The following CSAD variants were observed in gnomAD, a reference collection of about 807,000 sequenced individuals.
CSAD encodes the protein cysteine sulfinic acid decarboxylase, also known as P-selectin cytoplasmic tail-associated protein.
CSAD carries 47 observed loss-of-function variants against 61.5 expected under a neutral mutation model. The observed-to-expected ratio is 0.76, with a 90% CI of 0.60 to 0.97. The LOEUF (loss-of-function observed/expected upper bound fraction) is 0.97, where lower values mean the gene tolerates loss of function less well. CSAD is among the 50% of genes least tolerant of loss of function. The probability of loss-of-function intolerance (pLI) is 0.00; values close to 1 mark genes in which losing one functional copy is unlikely to be tolerated. For missense variants in CSAD, 611 were observed against 643.6 expected, an observed-to-expected ratio of 0.95 and a Z score of 0.55; for synonymous variants, 245 against 252.7, an observed-to-expected ratio of 0.97 and a Z score of 0.29.
At chr12:53,179,810 T>G in intron 1 of CSAD, 1 of 1,613,798 alleles carries the variant, frequency 6.2e-7, no homozygotes, top group Non-Finnish European at 8.5e-7. Context: ...AATTGACATC[T>G]CCTTCCATCA....
Position 53,171,436 on chromosome 12 carries a change from A to G in CSAD, c.457T>C (p.Ser153Pro). The G allele has an allele frequency of 6.2e-7, 1 of 1,613,532 alleles. No individual in the cohort carries two copies. The highest frequency in any genetic ancestry group is 2.2e-5 in the East Asian group (1 of 44,888). The change falls in exon 8 of 17, where the codon TCC becomes CCC. Residue 153 changes from serine to proline, a missense_variant. Ser to Pro is a moderately conservative substitution (Grantham distance 74). Coordinates refer to ENST00000444623, the MANE Select transcript of CSAD (RefSeq NM_001244705.2). ...TTTACAGCATACATGTTGGAGATGG[A>G]GCCACCTGTCACAGGGAGGGGGCGG... Reference protein sequence around the residue: ...SGDGIFCPGGSISNMYAVNLA... With the variant: ...SGDGIFCPGGPISNMYAVNLA...
chr12:53,160,902 G>C, intron 12 of CSAD, 58 bp from the exon 13 acceptor site: 2 of 1,467,356 alleles, frequency 1.4e-6, no homozygotes, highest in Non-Finnish European at 1.9e-6. Flanking sequence ...CCCAACCAGA[G>C]CCCTTCCTCC....
At chr12:53,173,124 C>T in intron 4 of CSAD, 1 of 470,832 alleles carries the variant, frequency 2.1e-6, no homozygotes, top group Non-Finnish European at 3.8e-6. Flanking sequence ...AGGAGAGCTG[C>T]TTGAGCCCGG....
chr12:53,171,276 C>T, intron 8 of CSAD, 50 bp downstream of exon 8: 1 of 1,612,572 alleles, frequency 6.2e-7, no homozygotes, highest in Non-Finnish European at 8.5e-7. Flanking sequence ...ACTTAGCTGG[C>T]TGGAGATTAG....
rs571014019 is a variant in CSAD at position 53,168,677 on chromosome 12, A to G, written c.702+1395T>C. ...ACTCTAATAATAGTAATAAATAATAATAACAACAATACCAGTAGCTTGTAT... is the reference window on the plus strand; with the variant it reads ...ACTCTAATAATAGTAATAAATAATAGTAACAACAATACCAGTAGCTTGTAT... On this transcript the variant is annotated intron_variant, in intron 10 of 16. Coordinates refer to ENST00000444623, the MANE Select transcript of CSAD (RefSeq NM_001244705.2). Among the ~76,000 whole-genome samples, 19 of 152,306 alleles carry G rather than the reference A, an allele frequency of 1.2e-4. No homozygotes were observed. The South Asian group carries it at 3.7e-3, about 30-fold the overall frequency.
At chr12:53,170,849 C>A (rs1290416407) in intron 8 of CSAD, 2 of 381,886 alleles carry the variant, frequency 5.2e-6, no homozygotes, top group Non-Finnish European at 9.9e-6. Flanking sequence ...GCCTCCTAAG[C>A]AGCTGGGACT....
chr12:53,168,266 T>C (rs190137732), intron 10 of CSAD, among the ~76,000 whole-genome samples: 109 of 152,082 alleles, frequency 7.2e-4, no homozygotes, highest in African/African-American at 2.6e-3. Flanking sequence ...CTTTAGGGGG[T>C]GATAAAAATG....
At position 53,160,330 on chromosome 12, in the gene CSAD, G is replaced by T; in HGVS notation, c.967-11C>A. On this transcript the variant is annotated splice_polypyrimidine_tract_variant and intron_variant, in intron 13 of 16. Coordinates refer to ENST00000444623, the MANE Select transcript of CSAD (RefSeq NM_001244705.2). ...GCGCTTGAGCAGGTTCTGTGTGGGG[G>T]TGAGGAGATTGTCAGACCCTACCCT... 6.2e-7 allele frequency: 1 copy of T among 1,613,562 alleles called. No homozygotes were observed. The highest frequency in any genetic ancestry group is 8.5e-7 in the Non-Finnish European group (1 of 1,179,534).
chr12:53,162,599 A>T (rs1287350999), intron 10 of CSAD, among the ~76,000 whole-genome samples: 1 of 152,068 alleles, frequency 6.6e-6, no homozygotes, highest in Non-Finnish European at 1.5e-5. Context: ...ATAGTACAAA[A>T]GTTTATGCAG....
Position 53,160,306 on chromosome 12 carries a change from C to T in CSAD, c.980G>A (p.Arg327His), listed in dbSNP as rs368428943. The change falls in exon 14 of 17, where the codon CGC becomes CAC. Residue 327 changes from arginine to histidine, a missense_variant. Arg to His is a conservative substitution (Grantham distance 29). Transcript: ENST00000444623. ...GTAGCTGGCCTGGGACCCATGGCAGCGCTTGAGCAGGTTCTGTGTGGGGGT... is the reference window on the plus strand; with the variant it reads ...GTAGCTGGCCTGGGACCCATGGCAGTGCTTGAGCAGGTTCTGTGTGGGGGT... ...LLQDTSNLLK[R>H]CHGSQASYLF... 263 of 1,614,034 alleles carry T rather than the reference C, an allele frequency of 1.6e-4. No individual in the cohort carries two copies. Among genetic ancestry groups the T allele is most frequent in the Non-Finnish European group, 2.2e-4 (254 of 1,180,032 alleles).
Position 53,158,208 on chromosome 12 carries a change from G to A in CSAD, c.*303C>T, listed in dbSNP as rs149380153. The A allele has an allele frequency of 8.6e-3, 1,778 of 206,558 alleles. 34 individuals carry two copies. Among genetic ancestry groups the A allele is most frequent in the African/African-American group, 0.031 (1,321 of 43,062 alleles). 12.8% of individuals were successfully genotyped at this position (206,558 alleles called of 1,614,324 possible). A position where few individuals can be genotyped will look rare whatever the true frequency, so the allele number is the denominator to read the frequency against. ...GCCTGGAGTGCAGGGGTGCAATCTC[G>A]GCTCACTGCAACCTCTGCCCCCTGG... is the stretch of plus-strand genomic sequence containing the variant. On this transcript the variant is annotated 3_prime_UTR_variant, in exon 17 of 17. Coordinates refer to ENST00000444623, the MANE Select transcript of CSAD (RefSeq NM_001244705.2).
chr12:53,164,439 G>A, intron 10 of CSAD: 1 of 190,100 alleles, frequency 5.3e-6, no homozygotes, highest in South Asian at 8.7e-5. Context: ...CAGCAACATG[G>A]ATGCAGCTGG....
rs1939238604 is a variant in CSAD at position 53,161,202 on chromosome 12, G to A, written c.820-11C>T. 15 of 1,614,160 alleles carry A rather than the reference G, an allele frequency of 9.3e-6. No individual in the cohort carries two copies. The highest frequency in any genetic ancestry group is 1.3e-5 in the Non-Finnish European group (15 of 1,180,018). On this transcript the variant is annotated splice_polypyrimidine_tract_variant and intron_variant, in intron 11 of 16. Transcript: ENST00000444623. Reference sequence around the variant, plus strand: ...CCCACCCCAGGCAGCCTGTGGAGCAGGAGGAACAACGTGGGCCTTGGCCTT... The same window carrying A: ...CCCACCCCAGGCAGCCTGTGGAGCAAGAGGAACAACGTGGGCCTTGGCCTT...
rs750787966 is a variant in CSAD, at chr12:53,170,092, T to C, written c.682A>G (p.Ile228Val). Reference protein sequence around the residue: ...KMVPEDLERQIGMAEAEGAVP... With the variant: ...KMVPEDLERQVGMAEAEGAVP... ...CTCACCTCAGCCTCGGCCATACCAA[T>C]CTGCCTCTCCAGATCCTCGGGGACC... Residue 228 changes from isoleucine to valine, a missense_variant, in exon 10 of 17, where the codon ATT (isoleucine) becomes GTT (valine). Ile to Val is a conservative substitution (Grantham distance 29, BLOSUM62 3). Transcript: ENST00000444623. 5 of 1,613,992 alleles carry C rather than the reference T, an allele frequency of 3.1e-6. No homozygotes were observed. The East Asian group carries it at 8.9e-5, about 29-fold the overall frequency.
intron 2 of CSAD, among the ~76,000 whole-genome samples, chr12:53,174,773 C>T (rs1940978903): frequency 6.6e-6 from 1 of 152,126 alleles, no homozygotes; most frequent in African/African-American, 2.4e-5. Context: ...GCCTGGGCGA[C>T]AGAGTGGGAC....
intron 6 of CSAD, 94 bp downstream of exon 6, chr12:53,172,252 G>C: frequency 8.8e-7 from 1 of 1,139,218 alleles, no homozygotes. Context: ...GCAGTAGAGA[G>C]AGGGCAGAAC....
chr12:53,160,750 G>A lies in CSAD; in HGVS notation c.966+13C>T. 2.6e-6 allele frequency: 4 copies of A among 1,550,428 alleles called. No homozygotes were observed. Among genetic ancestry groups the A allele is most frequent in the Non-Finnish European group, 3.5e-6 (4 of 1,145,952 alleles). ...GAGAGGTGGGGCTGGTGCAGGGGCA[G>A]GGGCAGACCCACCGAGGTATCCTGG... On this transcript the variant is annotated intron_variant, in intron 13 of 16. Coordinates refer to ENST00000444623, the MANE Select transcript of CSAD (RefSeq NM_001244705.2).
At chr12:53,165,376 G>A (rs1239352291) in intron 10 of CSAD, among the ~76,000 whole-genome samples, 7 of 149,222 alleles carry the variant, frequency 4.7e-5, no homozygotes, top group Non-Finnish European at 7.4e-5. Flanking sequence ...AATAACAAGC[G>A]TTGGCCAGGC....
Position 53,161,134 on chromosome 12 carries a change from T to A in CSAD, c.877A>T (p.Ile293Phe), listed in dbSNP as rs1173594840. 2 of 1,614,024 alleles carry A rather than the reference T, an allele frequency of 1.2e-6. No homozygotes were observed. The highest frequency in any genetic ancestry group is 1.3e-5 in the African/African-American group (1 of 75,048). ...GAAGGGGACTGTATGCACCTCTGGA[T>A]CCCATCCAGGAGATGCCTGTGTGTC... ...SQTHRHLLDG[I>F]QRADSVAWNP... is the part of the protein sequence containing the mutation. The change falls in exon 12 of 17, where the codon ATC (isoleucine) becomes TTC (phenylalanine). Residue 293 changes from isoleucine to phenylalanine, a missense_variant. Coordinates refer to ENST00000444623, the MANE Select transcript of CSAD (RefSeq NM_001244705.2).
Sources: gnomAD v4.1 joint callset for allele counts (sites outside exome capture counted in the v4.1 genomes callset) on GRCh38, gnomAD v4.1.1 for gene constraint, MANE v1.5 for transcripts, NCBI Gene and HGNC (gene_info 2026-07-23, HGNC 2026-07-21) for gene names.